RHOT1: variants seen among roughly 807,000 people sequenced by gnomAD.
The protein encoded by RHOT1 is ras homolog family member T1.
RHOT1 carries 27 observed loss-of-function variants against 95.3 expected under a neutral mutation model. The ratio of observed to expected loss-of-function variants is 0.28; its 90% CI spans 0.21 to 0.39. The LOEUF (loss-of-function observed/expected upper bound fraction) is 0.39. RHOT1 is among the 10% of genes least tolerant of loss of function. The pLI, the probability that RHOT1 is intolerant of heterozygous loss-of-function variation, is 1.00. For missense variants in RHOT1, 578 were observed against 786.7 expected, an observed-to-expected ratio of 0.73 and a Z score of 3.17; for synonymous variants, 227 against 263.5, an observed-to-expected ratio of 0.86 and a Z score of 1.34.
intron 1 of RHOT1, among the ~76,000 whole-genome samples, chr17:32,167,797 G>A (rs1437684349): frequency 2.0e-5 from 3 of 152,188 alleles, no homozygotes; most frequent in Non-Finnish European, 4.4e-5. Flanking sequence ...CAACTTGGGA[G>A]ACCAAGACAG....
Position 32,171,027 on chromosome 17 carries a change from A to T in RHOT1, c.38-16A>T, listed in dbSNP as rs758172140. On this transcript the variant is annotated splice_polypyrimidine_tract_variant and intron_variant, in intron 1 of 19. Transcript: ENST00000545287. ...AACCTAACACTTTATTAAAGTAACG[A>T]TTTTTCTTTTCACAGCTAGAGTTGG... 5 of 1,592,104 alleles carry T rather than the reference A, an allele frequency of 3.1e-6. No individual in the cohort carries two copies. The highest frequency in any genetic ancestry group is 4.3e-6 in the Non-Finnish European group (5 of 1,166,938).
chr17:32,178,173 G>A (rs1013506579), intron 6 of RHOT1, among the ~76,000 whole-genome samples: 26 of 151,512 alleles, frequency 1.7e-4, no homozygotes, highest in African/African-American at 5.6e-4. Flanking sequence ...ATTCCTGGCC[G>A]GAAGAAACTA....
intron 19 of RHOT1, among the ~76,000 whole-genome samples, chr17:32,214,751 C>G (rs2038351968): frequency 6.6e-6 from 1 of 151,984 alleles, no homozygotes. Context: ...AAGTAAAAGT[C>G]ATTTAAAATT....
chr17:32,195,044 C>G (rs2036772335), intron 11 of RHOT1, among the ~76,000 whole-genome samples: 1 of 151,722 alleles, frequency 6.6e-6, no homozygotes, highest in Non-Finnish European at 1.5e-5. Flanking sequence ...CCAGAATGGT[C>G]TCGATCTCCT....
Position 32,194,102 on chromosome 17 carries a change from C to T in RHOT1, c.864C>T (p.Phe288=). Residue 288 remains phenylalanine, a synonymous_variant, in exon 11 of 20, where the codon TTC becomes TTT. Transcript: ENST00000545287. ...TGGATTTGACACCTGAATATTTGTT[C>T]CCCCTGTATGTACCTTTGTTTTTTT... ...DDLDLTPEYL[F]PLLKIPPDCT... is the part of the protein sequence containing the mutation. 6.2e-7 allele frequency: 1 copy of T among 1,613,472 alleles called. No homozygotes were observed. The highest frequency in any genetic ancestry group is 8.5e-7 in the Non-Finnish European group (1 of 1,179,740).
Position 32,210,830 on chromosome 17 carries a change from A to G in RHOT1, c.1740-286A>G, listed in dbSNP as rs985904765. 2.6e-5 allele frequency among the ~76,000 whole-genome samples: 4 copies of G among 152,236 alleles called. No individual in the cohort carries two copies. The South Asian group carries it at 6.2e-4, about 24-fold the overall frequency. ...CTATTGCTGTGCATATTTATTCCAC[A>G]AAAATTCATGTAATAATAATTCCAT... On this transcript the variant is annotated intron_variant, in intron 18 of 19. Coordinates refer to ENST00000545287, the MANE Select transcript of RHOT1 (RefSeq NM_001033566.3).
chr17:32,201,987 C>T (rs2037355617), intron 14 of RHOT1, among the ~76,000 whole-genome samples: 1 of 152,160 alleles, frequency 6.6e-6, no homozygotes, highest in Non-Finnish European at 1.5e-5. Context: ...TCTCAACTCA[C>T]TGCAACCTCC....
chr17:32,157,093 TATTTATGTA>T (rs1167274572), intron 1 of RHOT1, among the ~76,000 whole-genome samples: 6 of 152,236 alleles, frequency 3.9e-5, no homozygotes, highest in African/African-American at 1.2e-4. Context: ...TTTGATTAAA[TATTTATGTA>T]AAAGGTAATA....
chr17:32,167,041 T>C (rs1400345261), intron 1 of RHOT1, among the ~76,000 whole-genome samples: 1 of 152,224 alleles, frequency 6.6e-6, no homozygotes, highest in Non-Finnish European at 1.5e-5. Context: ...TAAGCCTAAA[T>C]AATAAGGCTT....
At chr17:32,173,693 A>T (rs1327480739) in intron 2 of RHOT1, 138 bp from the exon 3 acceptor site, 1 of 643,500 alleles carries the variant, frequency 1.6e-6, no homozygotes. Context: ...AGCCTGGACC[A>T]TAGAGTGAGA....
Position 32,176,216 on chromosome 17 carries a change from A to AT in RHOT1, c.329+9dup. The AT allele has an allele frequency of 1.9e-6, 3 of 1,604,990 alleles. No homozygotes were observed. Among genetic ancestry groups the AT allele is most frequent in the South Asian group, 1.1e-5 (1 of 89,570 alleles). On this transcript the variant is annotated splice_donor_region_variant and intron_variant, in intron 6 of 19. Coordinates refer to ENST00000545287, the MANE Select transcript of RHOT1 (RefSeq NM_001033566.3). The stretch of plus-strand genomic sequence containing the variant: ...GAAAGAACAGACAAAGACAGCAGGT[A>AT]TTTTTTCCTCTCTCAAACTTTTTAT...
intron 1 of RHOT1, among the ~76,000 whole-genome samples, chr17:32,168,893 A>T (rs2034336378): frequency 1.3e-5 from 2 of 152,106 alleles, no homozygotes; most frequent in Admixed American, 1.3e-4. Context: ...AGCTGAATAA[A>T]CTGACATTGT....
At chr17:32,161,113 C>T (rs1001856692) in intron 1 of RHOT1, among the ~76,000 whole-genome samples, 1 of 152,190 alleles carries the variant, frequency 6.6e-6, no homozygotes, top group Non-Finnish European at 1.5e-5. Flanking sequence ...TAACACAAGG[C>T]TGGCCATGCA....
intron 9 of RHOT1, 62 bp from the exon 10 acceptor site, chr17:32,193,074 T>G (rs1438660208): frequency 3.4e-5 from 33 of 965,074 alleles, no homozygotes; most frequent in Non-Finnish European, 4.7e-5. Flanking sequence ...GATTATCATT[T>G]TATATTATTT....
chr17:32,218,354 A>G (rs1192904243), intron 19 of RHOT1, among the ~76,000 whole-genome samples: 1 of 151,938 alleles, frequency 6.6e-6, no homozygotes, highest in African/African-American at 2.4e-5. Flanking sequence ...AAAAAATTTT[A>G]AAACAAGCTG....
Position 32,142,740 on chromosome 17 carries a change from A to G in RHOT1, c.37+11A>G. On this transcript the variant is annotated intron_variant, in intron 1 of 19. Transcript: ENST00000545287. The stretch of plus-strand genomic sequence containing the variant: ...TGCTGGTGGGAGAACGTGAGTCCGC[A>G]CCCTCTGGCCGGCCCCTGAGTCCCT... The G allele has an allele frequency of 6.6e-7, 1 of 1,505,876 alleles. No homozygotes were observed. The highest frequency in any genetic ancestry group is 2.5e-5 in the East Asian group (1 of 40,348). The allele number at this position is 1,505,876 out of a possible 1,614,324, so 93.3% of individuals were successfully genotyped here.
chr17:32,204,288 C>T (rs930353874), intron 16 of RHOT1, among the ~76,000 whole-genome samples: 2 of 151,974 alleles, frequency 1.3e-5, no homozygotes, highest in Admixed American at 6.5e-5. Context: ...TGGTGGCTCA[C>T]GCCTGTAATC....
chr17:32,170,296 T>G (rs1358800149), intron 1 of RHOT1, among the ~76,000 whole-genome samples: 4 of 151,848 alleles, frequency 2.6e-5, no homozygotes, highest in Non-Finnish European at 2.9e-5. Context: ...ATGCCTATAA[T>G]CCCAGCTACT....
chr17:32,185,423 T>C (rs1459910354), intron 8 of RHOT1, among the ~76,000 whole-genome samples: 1 of 152,128 alleles, frequency 6.6e-6, no homozygotes, highest in Non-Finnish European at 1.5e-5. Flanking sequence ...TCTCCTTTTT[T>C]TTGGGTCAGG....
Sources: allele counts gnomAD v4.1 joint callset (sites outside exome capture counted in the v4.1 genomes callset), GRCh38; gene constraint gnomAD v4.1.1; transcripts MANE v1.5; gene names NCBI Gene and HGNC (gene_info 2026-07-23, HGNC 2026-07-21).